The following TRAP1 variants were observed in gnomAD, a reference collection of about 807,000 sequenced individuals.
TRAP1 encodes the protein TNF receptor associated protein 1.
TRAP1 carries 102 observed loss-of-function variants against 89.1 expected under a neutral mutation model. The ratio of observed to expected loss-of-function variants is 1.15; its 90% CI spans 0.98 to 1.35. TRAP1 has a LOEUF of 1.35. Ranked by LOEUF, TRAP1 falls within the 40% of genes most tolerant of loss-of-function variation. The probability of loss-of-function intolerance (pLI) is 0.00; values close to 1 mark genes in which losing one functional copy is unlikely to be tolerated. For missense variants in TRAP1, 1,256 were observed against 945.3 expected, an observed-to-expected ratio of 1.33 and a Z score of -4.31; for synonymous variants, 508 against 388.0, an observed-to-expected ratio of 1.31 and a Z score of -3.64.
chr16:3,699,629 C>CAAAAA (rs35602361), intron 1 of TRAP1, among the ~76,000 whole-genome samples: 5 of 72,062 alleles, frequency 6.9e-5, no homozygotes, highest in African/African-American at 1.0e-4. Flanking sequence ...AACTCCGTCT[C>CAAAAA]AAAAAAAAAA....
chr16:3,703,747 G>T lies in TRAP1; in HGVS notation c.89-12762C>A, dbSNP rs143684085. 1.4e-4 allele frequency among the ~76,000 whole-genome samples: 21 copies of T among 152,154 alleles called. No homozygotes were observed. In the East Asian group the frequency reaches 4.0e-3, roughly 29 times the overall value. The stretch of plus-strand genomic sequence containing the variant: ...TTACAAAAGTTAGGCTGGGCGCGGT[G>T]GCTTACGCCTGTAATCCCAGCACTT... On this transcript the variant is annotated intron_variant, in intron 1 of 17. Transcript: ENST00000246957.
chr16:3,703,952 G>T (rs369306478), intron 1 of TRAP1, among the ~76,000 whole-genome samples: 25 of 149,390 alleles, frequency 1.7e-4, no homozygotes, highest in Admixed American at 4.6e-4. Flanking sequence ...GAGGCGGAGC[G>T]TGCAGTGAGC....
intron 4 of TRAP1, among the ~76,000 whole-genome samples, chr16:3,683,063 G>C (rs1041167422): frequency 6.6e-6 from 1 of 152,012 alleles, no homozygotes; most frequent in Non-Finnish European, 1.5e-5. Context: ...AGCTACTCGA[G>C]AGACTGAAGG....
chr16:3,679,299 G>A (rs2051042846), intron 5 of TRAP1, among the ~76,000 whole-genome samples: 2 of 151,660 alleles, frequency 1.3e-5, no homozygotes, highest in South Asian at 4.2e-4. Context: ...GCCAAGGATC[G>A]AAAATACTCA....
chr16:3,681,738 A>G (rs1411767408), intron 4 of TRAP1, among the ~76,000 whole-genome samples: 1 of 152,186 alleles, frequency 6.6e-6, no homozygotes, highest in Non-Finnish European at 1.5e-5. Flanking sequence ...TGTTAGACCA[A>G]GGTAAAGGAA....
intron 11 of TRAP1, among the ~76,000 whole-genome samples, chr16:3,666,539 T>A: frequency 6.8e-6 from 1 of 147,158 alleles, no homozygotes; most frequent in Non-Finnish European, 1.5e-5. Context: ...TAGGCTAAAA[T>A]TATGTAATGC....
chr16:3,696,995 G>A (rs906651622), intron 1 of TRAP1, among the ~76,000 whole-genome samples: 2 of 152,084 alleles, frequency 1.3e-5, no homozygotes, highest in African/African-American at 4.8e-5. Flanking sequence ...CCAAGCGCTG[G>A]GATTAGAGCC....
chr16:3,675,828 G>A (rs1472272342), intron 7 of TRAP1, among the ~76,000 whole-genome samples: 3 of 152,334 alleles, frequency 2.0e-5, no homozygotes, highest in Non-Finnish European at 4.4e-5. Context: ...GCCTCAGCCA[G>A]GCCAGCTTCC....
At chr16:3,664,146 C>G in intron 13 of TRAP1, 128 bp downstream of exon 13, 1 of 1,016,802 alleles carries the variant, frequency 9.8e-7, no homozygotes, top group South Asian at 2.0e-5. Flanking sequence ...CCTCTGTGCC[C>G]GTGACCCTGA....
intron 4 of TRAP1, among the ~76,000 whole-genome samples, chr16:3,681,944 T>C (rs2051077999): frequency 6.6e-6 from 1 of 152,192 alleles, no homozygotes; most frequent in Non-Finnish European, 1.5e-5. Context: ...TTAAAATACC[T>C]AATTTTAAGA....
At chr16:3,670,000 G>A (rs539607459) in intron 11 of TRAP1, among the ~76,000 whole-genome samples, 1 of 152,158 alleles carries the variant, frequency 6.6e-6, no homozygotes, top group African/African-American at 2.4e-5. Context: ...GCAATTAAAA[G>A]TGCTTCCAAA....
rs564504320 is a variant in TRAP1, at chr16:3,666,238, C to T, written c.1236-120G>A. The T allele has an allele frequency of 1.3e-4, 166 of 1,249,080 alleles. No homozygotes were observed. The South Asian group carries it at 2.3e-3, about 17-fold the overall frequency. The allele number at this position is 1,249,080 out of a possible 1,614,324, so 77.4% of individuals were successfully genotyped here. On this transcript the variant is annotated intron_variant, in intron 11 of 17. Transcript: ENST00000246957. Reference sequence around the variant, plus strand: ...CAAAGAAGTGAAAACAACAAGGTACCGTTATTGGCCAAACTGAAAAAGACT... The same window carrying T: ...CAAAGAAGTGAAAACAACAAGGTACTGTTATTGGCCAAACTGAAAAAGACT...
At chr16:3,675,193 T>C in intron 8 of TRAP1, 131 bp downstream of exon 8, 1 of 796,314 alleles carries the variant, frequency 1.3e-6, no homozygotes, top group South Asian at 1.7e-5. Flanking sequence ...CACACCCAGG[T>C]CTCATCTCCA....
At chr16:3,683,876 A>G (rs529927941) in intron 4 of TRAP1, among the ~76,000 whole-genome samples, 1 of 152,064 alleles carries the variant, frequency 6.6e-6, no homozygotes, top group African/African-American at 2.4e-5. Context: ...TTTAAAAGGA[A>G]ATGGTGAGAC....
Position 3,664,313 on chromosome 16 carries a change from G to C in TRAP1, c.1530C>G (p.His510Gln), listed in dbSNP as rs1325824229. The C allele has an allele frequency of 6.2e-7, 1 of 1,611,538 alleles. No homozygotes were observed. The highest frequency in any genetic ancestry group is 2.2e-5 in the East Asian group (1 of 44,832). The change falls in exon 13 of 18, where the codon CAC (histidine) becomes CAG (glutamine). Residue 510 changes from histidine (H) to glutamine (Q), a missense_variant. By Grantham distance (24) the His-to-Gln change is conservative. Transcript: ENST00000246957. ...LCAPNRHLAE[H>Q]SPYYEAMKKK... ...TCTTCATGGCCTCATAGTAGGGTGA[G>C]TGCTCTGCCAGGTGACGGTTGGGGG...
At chr16:3,660,603 T>G (rs1044719199) in intron 16 of TRAP1, 2 of 152,248 alleles carry the variant, frequency 1.3e-5, no homozygotes, top group Non-Finnish European at 2.9e-5. Flanking sequence ...GCACAGGCAT[T>G]CTGCATACTG....
chr16:3,687,944 G>A (rs1230515240), intron 3 of TRAP1, among the ~76,000 whole-genome samples: 2 of 151,932 alleles, frequency 1.3e-5, no homozygotes, highest in African/African-American at 4.8e-5. Context: ...AGAGGAAGCG[G>A]TGGCTGATCT....
At chr16:3,687,552 G>A (rs551339127) in intron 3 of TRAP1, among the ~76,000 whole-genome samples, 2 of 152,156 alleles carry the variant, frequency 1.3e-5, no homozygotes, top group African/African-American at 2.4e-5. Flanking sequence ...CTCAGGAGCT[G>A]AAAAGCACAC....
At chr16:3,658,672 A>C (rs1413662150) in intron 17 of TRAP1, 121 bp downstream of exon 17, 5 of 1,044,102 alleles carry the variant, frequency 4.8e-6, no homozygotes, top group Non-Finnish European at 5.5e-6. Context: ...ACTCCATCTC[A>C]AAAAACAAAC....
Sources: gnomAD v4.1 joint callset for allele counts (sites outside exome capture counted in the v4.1 genomes callset) on GRCh38, gnomAD v4.1.1 for gene constraint, MANE v1.5 for transcripts, NCBI Gene and HGNC (gene_info 2026-07-23, HGNC 2026-07-21) for gene names.